Variants in FOCAD observed in about 807,000 individuals in gnomAD.
The protein encoded by FOCAD is focadhesin.
Under a neutral mutation model 225.6 loss-of-function variants are expected in FOCAD, and 198 were observed. The ratio of observed to expected loss-of-function variants is 0.88; its 90% CI spans 0.78 to 0.99. The LOEUF is 0.99. Ranked by LOEUF, FOCAD falls within the 50% of genes least tolerant of loss-of-function variation. The pLI is 0.00. For synonymous variants in FOCAD, 897 were observed against 755.0 expected, an observed-to-expected ratio of 1.19 and a Z score of -3.08; for missense variants, 2,713 against 2,123.6, an observed-to-expected ratio of 1.28 and a Z score of -5.46.
chr9:20,761,736 T>C (rs1007184829), intron 6 of FOCAD, among the ~76,000 whole-genome samples: 8 of 152,160 alleles, frequency 5.3e-5, no homozygotes, highest in Non-Finnish European at 1.2e-4. Flanking sequence ...TCCATTTTTT[T>C]ACTCTCTCTC....
chr9:20,786,584 A>G (rs1452222098), intron 10 of FOCAD, among the ~76,000 whole-genome samples: 12 of 152,204 alleles, frequency 7.9e-5, no homozygotes, highest in Non-Finnish European at 1.8e-4. Context: ...TATCCACTCT[A>G]CTTTTGTTAA....
chr9:20,854,163 C>G lies in FOCAD; in HGVS notation c.1921-8415C>G, dbSNP rs149547784. The stretch of plus-strand genomic sequence containing the variant: ...AAAGAATCAGGACAAAAGGAGTAGG[C>G]TGTTCTCAGGAATTTCTAGAAATAG... On this transcript the variant is annotated intron_variant, in intron 15 of 43. Transcript: ENST00000338382. 3.8e-3 allele frequency among the ~76,000 whole-genome samples: 579 copies of G among 151,784 alleles called. 4 individuals are homozygous for G. Among genetic ancestry groups the G allele is most frequent in the African/African-American group, 0.013 (545 of 41,504 alleles).
chr9:20,805,633 G>T (rs1822345150), intron 11 of FOCAD, among the ~76,000 whole-genome samples: 1 of 151,888 alleles, frequency 6.6e-6, no homozygotes, highest in Non-Finnish European at 1.5e-5. Flanking sequence ...TTGCCCAAAA[G>T]ATATGGAACT....
chr9:20,918,886 G>A (rs1834112123), intron 24 of FOCAD, among the ~76,000 whole-genome samples: 1 of 152,168 alleles, frequency 6.6e-6, no homozygotes, highest in African/African-American at 2.4e-5. Flanking sequence ...CACCCTCTCT[G>A]CTTCTTCCCA....
chr9:20,690,821 A>G (rs1315909177), intron 1 of FOCAD, among the ~76,000 whole-genome samples: 1 of 151,952 alleles, frequency 6.6e-6, no homozygotes, highest in East Asian at 1.9e-4. Flanking sequence ...CTGGGATTAT[A>G]GGCGGAGGCA....
At chr9:20,986,231 G>A in intron 39 of FOCAD, 57 bp from the exon 40 acceptor site, 1 of 1,323,014 alleles carries the variant, frequency 7.6e-7, no homozygotes, top group Non-Finnish European at 9.7e-7. Flanking sequence ...CTGAAATTCT[G>A]TAGCTACTTC....
chr9:20,777,304 GTTT>G (rs35710134), intron 8 of FOCAD, among the ~76,000 whole-genome samples: 18,802 of 110,980 alleles, frequency 0.17, 1,221 homozygotes, highest in Middle Eastern at 0.27. Context: ...TTTCCTGTGG[GTTT>G]TTTTTTTTTT....
chr9:20,750,661 C>G (rs1350247649), intron 5 of FOCAD, among the ~76,000 whole-genome samples: 3 of 152,118 alleles, frequency 2.0e-5, no homozygotes, highest in Non-Finnish European at 4.4e-5. Flanking sequence ...AATCTATTGG[C>G]TATCTCAGGA....
chr9:20,784,941 T>A (rs12550930), intron 10 of FOCAD, among the ~76,000 whole-genome samples: 4,591 of 152,080 alleles, frequency 0.03, 127 homozygotes, highest in Admixed American at 0.045. Context: ...TTTTTTTTTT[T>A]AATCTATTTC....
Position 20,844,349 on chromosome 9 carries a change from C to CTTTTTTTT in FOCAD, c.1921-18210_1921-18203dup, listed in dbSNP as rs58468376. Among the ~76,000 whole-genome samples, 98 of 77,256 alleles carry CTTTTTTTT rather than the reference C, an allele frequency of 1.3e-3. 7 individuals carry two copies. Among genetic ancestry groups the CTTTTTTTT allele is most frequent in the Non-Finnish European group, 1.5e-3 (67 of 44,778 alleles). 50.7% of individuals were successfully genotyped at this position (77,256 alleles called of 152,430 possible). Reference sequence around the variant, plus strand: ...ATGGTTCTAACCCTCAGGAAATTTCCTTTTTTTTTTTTTTTTTTTTTTTTT... The same window carrying CTTTTTTTT: ...ATGGTTCTAACCCTCAGGAAATTTCCTTTTTTTTTTTTTTTTTTTTTTTTTTTTTTTTT... On this transcript the variant is annotated intron_variant, in intron 15 of 43. Transcript: ENST00000338382.
chr9:20,800,180 C>G (rs1346412633), intron 11 of FOCAD, among the ~76,000 whole-genome samples: 1 of 151,896 alleles, frequency 6.6e-6, no homozygotes, highest in Non-Finnish European at 1.5e-5. Flanking sequence ...TTGGCTCCCA[C>G]TCTCTTCTGG....
intron 35 of FOCAD, among the ~76,000 whole-genome samples, chr9:20,962,143 G>A (rs919242914): frequency 6.6e-6 from 1 of 151,972 alleles, no homozygotes; most frequent in Non-Finnish European, 1.5e-5. Context: ...GAAGATAGGG[G>A]CTTCCGTGAT....
intron 6 of FOCAD, among the ~76,000 whole-genome samples, chr9:20,760,265 C>T (rs936548432): frequency 6.6e-6 from 1 of 152,202 alleles, no homozygotes. Context: ...CCCTTTGGCT[C>T]TGTTTTCATA....
chr9:20,790,520 C>T (rs1459787831), intron 11 of FOCAD, among the ~76,000 whole-genome samples: 1 of 152,102 alleles, frequency 6.6e-6, no homozygotes, highest in East Asian at 1.9e-4. Flanking sequence ...GCCTGTAATC[C>T]CAGCACTTTG....
rs1443583391 is a variant in FOCAD at position 20,995,560 on chromosome 9, C to T, written c.5337C>T (p.Thr1779=). The T allele has an allele frequency of 6.2e-7, 1 of 1,612,324 alleles. No homozygotes were observed. The highest frequency in any genetic ancestry group is 1.1e-5 in the South Asian group (1 of 91,046). Residue 1779 remains threonine (T), a synonymous_variant, in exon 44 of 44, where the codon ACC becomes ACT. Transcript: ENST00000338382. ...ACCTATATTTTGTCCCCTTAGCCAC[C>T]CTGCTGTCCTTGAGAGTTCTCCCAG... ...SAQSRDLLKA[T]LLSLRVLPEF...
At position 20,728,691 on chromosome 9, in the gene FOCAD, T is replaced by G. The variant is rs139926396; in HGVS notation, c.287+8157T>G. On this transcript the variant is annotated intron_variant, in intron 4 of 43. Transcript: ENST00000338382. ...TAAGGGTTCTTGAGTAAATTCATCT[T>G]TTCCTGGCACCTGCCCAAGAAAGGA... Among the ~76,000 whole-genome samples, 336 of 152,338 alleles carry G rather than the reference T, an allele frequency of 2.2e-3. 5 individuals are homozygous for G. The East Asian group carries it at 0.037, about 17-fold the overall frequency.
At chr9:20,798,976 T>C (rs2131265655) in intron 11 of FOCAD, among the ~76,000 whole-genome samples, 1 of 152,342 alleles carries the variant, frequency 6.6e-6, no homozygotes, top group Admixed American at 6.5e-5. Context: ...CTTTCTCTTG[T>C]GGACATTTAT....
chr9:20,865,980 C>CTA lies in FOCAD; in HGVS notation c.2106+6_2106+7dup. 6.2e-7 allele frequency: 1 copy of CTA among 1,603,940 alleles called. No homozygotes were observed. ...CTGGACTCATACTCAAAACAAGGTA[C>CTA]TATCACAAGGCTTGTCAGTGAATCA... On this transcript the variant is annotated splice_donor_region_variant and intron_variant, in intron 17 of 43. Coordinates refer to ENST00000338382, the MANE Select transcript of FOCAD (RefSeq NM_001375567.1).
At chr9:20,918,097 G>C (rs550165472) in intron 24 of FOCAD, among the ~76,000 whole-genome samples, 4 of 152,190 alleles carry the variant, frequency 2.6e-5, no homozygotes, top group Non-Finnish European at 4.4e-5. Flanking sequence ...CATATCAGAG[G>C]GGGAGGGGAT....
Sources: allele counts gnomAD v4.1 joint callset (sites outside exome capture counted in the v4.1 genomes callset), GRCh38; gene constraint gnomAD v4.1.1; transcripts MANE v1.5; gene names NCBI Gene and HGNC (gene_info 2026-07-23, HGNC 2026-07-21).